Variants in AGL observed in about 807,000 individuals in gnomAD.
The protein encoded by AGL is glycogen debranching enzyme.
A neutral mutation model predicts 199.3 loss-of-function variants in AGL; 128 were observed. That is an observed-to-expected ratio of 0.64 (90% CI 0.56 to 0.74). AGL has a LOEUF of 0.74. Among genes scored for constraint, AGL ranks in the 30% least tolerant of loss-of-function variants. The pLI is 0.00. For synonymous variants in AGL, 584 were observed against 594.7 expected (o/e 0.98, Z 0.26); for missense variants, 1,809 against 1,820.8 (o/e 0.99, Z 0.12).
Position 99,881,406 on chromosome 1 carries a change from A to G in AGL, c.2116A>G (p.Ser706Gly), listed in dbSNP as rs1179918352. 1 of 1,614,174 alleles carries G rather than the reference A, an allele frequency of 6.2e-7. No individual in the cohort carries two copies. The change falls in exon 16 of 34, where the codon AGT (serine) becomes GGT (glycine). Residue 706 changes from serine (S) to glycine (G), a missense_variant. Physicochemically the swap from Ser to Gly is moderately conservative, Grantham distance 56 (BLOSUM62 0). Transcript: ENST00000361915. ...CATTATTGCAGCCAGGTGTGCTATCAGTAAACTTCATCAGGAGCTTGGAGC... is the reference window on the plus strand; with the variant it reads ...CATTATTGCAGCCAGGTGTGCTATCGGTAAACTTCATCAGGAGCTTGGAGC... Reference protein sequence around the residue: ...SGIIAARCAISKLHQELGAKG... With the variant: ...SGIIAARCAIGKLHQELGAKG...
Position 99,850,990 on chromosome 1 carries a change from C to T in AGL, c.-53C>T. 7 of 1,421,654 alleles carry T rather than the reference C, an allele frequency of 4.9e-6. No individual in the cohort carries two copies. The highest frequency in any genetic ancestry group is 7.0e-6 in the Non-Finnish European group (7 of 1,005,356). The allele number at this position is 1,421,654 out of a possible 1,614,324, so 88.1% of individuals were successfully genotyped here. The stretch of plus-strand genomic sequence containing the variant: ...TGTTTCATAGGGGTAACTCATTCGA[C>T]TGTGGAGTTCTTTTAATTCTTATGA... On this transcript the variant is annotated 5_prime_UTR_variant, in exon 2 of 34. Transcript: ENST00000361915.
intron 27 of AGL, among the ~76,000 whole-genome samples, chr1:99,903,835 G>C (rs549277541): frequency 6.6e-6 from 1 of 152,132 alleles, no homozygotes; most frequent in Non-Finnish European, 1.5e-5. Context: ...ATTCTAACTG[G>C]TGTGAGATGG....
In AGL at chr1:99,910,647, A is replaced by C. The variant is rs72970917; in HGVS notation, c.3701-65A>C. 2.6e-3 allele frequency: 2,220 copies of C among 855,356 alleles called. 40 individuals carry two copies. The African/African-American group carries it at 0.037, about 14-fold the overall frequency. The allele number at this position is 855,356 out of a possible 1,614,324, so 53.0% of individuals were successfully genotyped here. On this transcript the variant is annotated intron_variant, in intron 27 of 33. Transcript: ENST00000361915. ...TATTTAAAATTTTGTAAATGTTTTA[A>C]AATATTTGTATATACTATATATAAT... is the stretch of plus-strand genomic sequence containing the variant.
Position 99,884,619 on chromosome 1 carries a change from A to T in AGL, c.2597A>T (p.His866Leu), listed in dbSNP as rs367713487. 5 of 1,613,842 alleles carry T rather than the reference A, an allele frequency of 3.1e-6. No homozygotes were observed. The highest frequency in any genetic ancestry group is 3.4e-6 in the Non-Finnish European group (4 of 1,179,892). ...AQVAVGILRN[H>L]LTQFSPHFKS... ...GTCGCTGTTGGAATTCTTCGAAATC[A>T]TCTGACACAATTCAGTCCTCACTTT... The change falls in exon 20 of 34, where the codon CAT becomes CTT. Residue 866 changes from histidine to leucine, a missense_variant. Coordinates refer to ENST00000361915, the MANE Select transcript of AGL (RefSeq NM_000642.3).
intron 17 of AGL, among the ~76,000 whole-genome samples, chr1:99,883,008 C>T (rs1652174383): frequency 6.6e-6 from 1 of 152,112 alleles, no homozygotes; most frequent in Non-Finnish European, 1.5e-5. Context: ...AATATTATCT[C>T]AGGTTTTGTT....
chr1:99,889,397 G>A (rs1257430678), intron 21 of AGL, among the ~76,000 whole-genome samples: 1 of 151,906 alleles, frequency 6.6e-6, no homozygotes, highest in Non-Finnish European at 1.5e-5. Flanking sequence ...AATACAAAAT[G>A]TTTTGTGCTA....
chr1:99,909,075 G>A (rs1384437766), intron 27 of AGL, among the ~76,000 whole-genome samples: 1 of 152,116 alleles, frequency 6.6e-6, no homozygotes, highest in Non-Finnish European at 1.5e-5. Flanking sequence ...TTGGGAGTGT[G>A]AGGGGCACCC....
intron 27 of AGL, among the ~76,000 whole-genome samples, chr1:99,905,569 T>C (rs1654217511): frequency 6.6e-6 from 1 of 152,178 alleles, no homozygotes; most frequent in African/African-American, 2.4e-5. Context: ...ATTTTGCACA[T>C]TGTCTCTTTC....
At chr1:99,886,969 A>G (rs1652501701) in intron 20 of AGL, among the ~76,000 whole-genome samples, 1 of 152,164 alleles carries the variant, frequency 6.6e-6, no homozygotes, top group African/African-American at 2.4e-5. Flanking sequence ...TAAGATCCCC[A>G]GGTAATTTTT....
Position 99,891,306 on chromosome 1 carries a change from A to G in AGL, c.2899A>G (p.Ile967Val). 6.2e-7 allele frequency: 1 copy of G among 1,613,846 alleles called. No individual in the cohort carries two copies. Among genetic ancestry groups the G allele is most frequent in the Non-Finnish European group, 8.5e-7 (1 of 1,179,780 alleles). ...TAATTTGAGATCTGGAGATTGGATGATTGACTATGTCAGTAACCGGCTTAT... is the reference window on the plus strand; with the variant it reads ...TAATTTGAGATCTGGAGATTGGATGGTTGACTATGTCAGTAACCGGCTTAT... ...CNNLRSGDWM[I>V]DYVSNRLISR... The change falls in exon 22 of 34, where the codon ATT becomes GTT. Residue 967 changes from isoleucine to valine, a missense_variant. Ile to Val is a conservative substitution (Grantham distance 29). Coordinates refer to ENST00000361915, the MANE Select transcript of AGL (RefSeq NM_000642.3).
At position 99,919,473 on chromosome 1, in the gene AGL, G is replaced by T. The variant is rs572437997; in HGVS notation, c.4482-2061G>T. Among the ~76,000 whole-genome samples the T allele has an allele frequency of 8.5e-5, 13 of 152,232 alleles. 1 individual carries two copies. The South Asian group carries it at 2.7e-3, about 32-fold the overall frequency. On this transcript the variant is annotated intron_variant, in intron 33 of 33. Coordinates refer to ENST00000361915, the MANE Select transcript of AGL (RefSeq NM_000642.3). ...TTGGGCAATTCTCTAAGGATCCCTT[G>T]TTCTTTATAGTGAAAAATGTTATTT...
chr1:99,876,484 T>G lies in AGL; in HGVS notation c.1310T>G (p.Ile437Arg), dbSNP rs1382017908. 9 of 1,608,094 alleles carry G rather than the reference T, an allele frequency of 5.6e-6. No homozygotes were observed. Among genetic ancestry groups the G allele is most frequent in the African/African-American group, 2.7e-5 (2 of 74,824 alleles). ...TATTTTACTTTCCCATTTGAAGAGA[T>G]AGACTTCTCCATGGAAGAATCTATG... ...TRYFTFPFEE[I>R]DFSMEESMIH... The change falls in exon 11 of 34, where the codon ATA becomes AGA. Residue 437 changes from isoleucine to arginine, a missense_variant. Coordinates refer to ENST00000361915, the MANE Select transcript of AGL (RefSeq NM_000642.3).
In AGL at chr1:99,891,358, T is replaced by A. The variant is rs750492389; in HGVS notation, c.2949+2T>A. 3 of 1,613,506 alleles carry A rather than the reference T, an allele frequency of 1.9e-6. No homozygotes were observed. Among genetic ancestry groups the A allele is most frequent in the Non-Finnish European group, 2.5e-6 (3 of 1,179,660 alleles). ...TCACGATCAGGAACTATTGCTGAAG[T>A]AAGTAGAGCTATATTATCGTCCCAA... On this transcript the variant is annotated splice_donor_variant, in intron 22 of 33. Coordinates refer to ENST00000361915, the MANE Select transcript of AGL (RefSeq NM_000642.3). LOFTEE classifies it high-confidence loss of function.
At chr1:99,919,418 A>G (rs140547866) in intron 33 of AGL, among the ~76,000 whole-genome samples, 427 of 152,132 alleles carry the variant, frequency 2.8e-3, no homozygotes, top group African/African-American at 9.7e-3. Context: ...TTCAACACTC[A>G]TCTTTCACTT....
At chr1:99,872,063 AAT>A (rs1434241526) in intron 7 of AGL, among the ~76,000 whole-genome samples, 1 of 152,202 alleles carries the variant, frequency 6.6e-6, no homozygotes, top group African/African-American at 2.4e-5. Flanking sequence ...TTTAGTTGAC[AAT>A]ATGAATTTAT....
chr1:99,906,633 T>C (rs770217019), intron 27 of AGL, among the ~76,000 whole-genome samples: 4 of 152,196 alleles, frequency 2.6e-5, no homozygotes, highest in Non-Finnish European at 2.9e-5. Context: ...AATCATGCAG[T>C]ATTTGTTCTT....
At chr1:99,896,057 T>G (rs926535807) in intron 24 of AGL, among the ~76,000 whole-genome samples, 1 of 152,228 alleles carries the variant, frequency 6.6e-6, no homozygotes, top group Non-Finnish European at 1.5e-5. Flanking sequence ...TAATCTTCTT[T>G]AGGTCATAGG....
rs771475215 is a variant in AGL, at chr1:99,884,219, C to T, written c.2408C>T (p.Thr803Ile). 2 of 1,613,146 alleles carry T rather than the reference C, an allele frequency of 1.2e-6. No homozygotes were observed. The highest frequency in any genetic ancestry group is 1.7e-6 in the Non-Finnish European group (2 of 1,179,374). Residue 803 changes from threonine (T) to isoleucine (I), a missense_variant, in exon 18 of 34, where the codon ACA (threonine) becomes ATA (isoleucine). Transcript: ENST00000361915. ...TCAATCAATGGAACACCAGATATCA[C>T]AGTAGAAATTAGAGAACATATTCAG... ...ENSINGTPDI[T>I]VEIREHIQLN... is the part of the protein sequence containing the mutation.
At chr1:99,907,732 G>A (rs978898924) in intron 27 of AGL, among the ~76,000 whole-genome samples, 11 of 119,326 alleles carry the variant, frequency 9.2e-5, no homozygotes, top group African/African-American at 3.4e-4. Flanking sequence ...GCTATGAGGT[G>A]GTATCTAATG....
Sources: allele counts gnomAD v4.1 joint callset (sites outside exome capture counted in the v4.1 genomes callset), GRCh38; gene constraint gnomAD v4.1.1; transcripts MANE v1.5; gene names NCBI Gene and HGNC (gene_info 2026-07-23, HGNC 2026-07-21).